Variants in SERINC3 observed in about 807,000 individuals in gnomAD.
The protein encoded by SERINC3 is serine incorporator 3, also known as tumor differentially expressed protein 1.
A neutral mutation model predicts 52.1 loss-of-function variants in SERINC3; 22 were observed. The observed-to-expected ratio is 0.42, with a 90% CI of 0.30 to 0.60. SERINC3 has a LOEUF of 0.60. Among genes scored for constraint, SERINC3 ranks in the 20% least tolerant of loss-of-function variants. The pLI is 0.16. For synonymous variants in SERINC3, 226 were observed against 212.7 expected (o/e 1.06, Z -0.54); for missense variants, 564 against 584.6 (o/e 0.96, Z 0.36).
chr20:44,510,535 C>T (rs1432780193), intron 4 of SERINC3, among the ~76,000 whole-genome samples: 3 of 152,272 alleles, frequency 2.0e-5, no homozygotes, highest in African/African-American at 4.8e-5. Context: ...GAGTTGCAGC[C>T]GGGCGTGGTG....
chr20:44,520,169 A>C (rs988404204), intron 1 of SERINC3, among the ~76,000 whole-genome samples: 5 of 152,222 alleles, frequency 3.3e-5, no homozygotes, highest in Admixed American at 6.5e-5. Context: ...ACACCCCAGG[A>C]GTTCGAGACC....
At chr20:44,510,909 AGTTTT>A (rs933910308) in intron 4 of SERINC3, among the ~76,000 whole-genome samples, 9 of 151,644 alleles carry the variant, frequency 5.9e-5, no homozygotes, top group East Asian at 1.9e-4. Context: ...ATTAAAAGGT[AGTTTT>A]GTTTTGTTTT....
rs977534397 is a variant in SERINC3, at chr20:44,498,897, C to T, written c.*1399G>A. On this transcript the variant is annotated 3_prime_UTR_variant, in exon 10 of 10. Transcript: ENST00000342374. Reference sequence around the variant, plus strand: ...TTACTGAACTTTTTTTCCCCATCTTCCTGCCTTTAACATGCAGTTTTATCT... The same window carrying T: ...TTACTGAACTTTTTTTCCCCATCTTTCTGCCTTTAACATGCAGTTTTATCT... 2.0e-5 allele frequency: 3 copies of T among 152,318 alleles called. No individual in the cohort carries two copies. The highest frequency in any genetic ancestry group is 1.3e-4 in the Admixed American group (2 of 15,302). 9.4% of individuals were successfully genotyped at this position (152,318 alleles called of 1,614,324 possible). A position where few individuals can be genotyped will look rare whatever the true frequency, so the allele number is the denominator to read the frequency against.
In SERINC3 at chr20:44,499,927, C is replaced by T. The variant is rs779326962; in HGVS notation, c.*369G>A. The T allele has an allele frequency of 1.7e-4, 27 of 155,674 alleles. No individual in the cohort carries two copies. The highest frequency in any genetic ancestry group is 3.2e-4 in the Non-Finnish European group (23 of 70,838). 9.6% of individuals were successfully genotyped at this position (155,674 alleles called of 1,614,324 possible). A position where few individuals can be genotyped will look rare whatever the true frequency, so the allele number is the denominator to read the frequency against. On this transcript the variant is annotated 3_prime_UTR_variant, in exon 10 of 10. Coordinates refer to ENST00000342374, the MANE Select transcript of SERINC3 (RefSeq NM_006811.4). Reference sequence around the variant, plus strand: ...TTTTTTTTTTTGCTTTTAAAGGATACTGCAATATAAATATATTAAGCATGG... The same window carrying T: ...TTTTTTTTTTTGCTTTTAAAGGATATTGCAATATAAATATATTAAGCATGG...
rs1345170622 is a variant in SERINC3 at position 44,522,050 on chromosome 20, A to C, written c.-99T>G. On this transcript the variant is annotated 5_prime_UTR_variant, in exon 1 of 10. Transcript: ENST00000342374. ...CTCCCCAGAAACATGACGGTTTCTC[A>C]GGCCGGAAACGCAGCCTTCCACAGA... The C allele has an allele frequency of 9.9e-6, 13 of 1,313,416 alleles. No individual in the cohort carries two copies. The highest frequency in any genetic ancestry group is 7.3e-5 in the African/African-American group (5 of 68,100). The allele number at this position is 1,313,416 out of a possible 1,614,324, so 81.4% of individuals were successfully genotyped here.
chr20:44,520,276 T>C (rs1322853937), intron 1 of SERINC3, among the ~76,000 whole-genome samples: 1 of 152,150 alleles, frequency 6.6e-6, no homozygotes, highest in African/African-American at 2.4e-5. Flanking sequence ...TCCGGGAGGC[T>C]GAAACATGAG....
rs2064256954 is a variant in SERINC3 at position 44,497,887 on chromosome 20, T to C, written c.*2409A>G. ...TTGAATATTGTCTTATTTTAGCCCA[T>C]AATGAGATCAGCAGCTACTGTCAGT... On this transcript the variant is annotated 3_prime_UTR_variant, in exon 10 of 10. Coordinates refer to ENST00000342374, the MANE Select transcript of SERINC3 (RefSeq NM_006811.4). The C allele has an allele frequency of 6.6e-6, 1 of 152,208 alleles. No individual in the cohort carries two copies. Among genetic ancestry groups the C allele is most frequent in the South Asian group, 2.1e-4 (1 of 4,830 alleles). 9.4% of individuals were successfully genotyped at this position (152,208 alleles called of 1,614,324 possible). A position where few individuals can be genotyped will look rare whatever the true frequency, so the allele number is the denominator to read the frequency against.
chr20:44,510,990 T>G (rs185735182), intron 4 of SERINC3, among the ~76,000 whole-genome samples: 138 of 151,920 alleles, frequency 9.1e-4, no homozygotes, highest in African/African-American at 3.2e-3. Context: ...CTTGGCACAC[T>G]GCAACCTCTG....
chr20:44,512,582 T>C (rs1404558965), intron 3 of SERINC3, among the ~76,000 whole-genome samples: 1 of 152,060 alleles, frequency 6.6e-6, no homozygotes, highest in Non-Finnish European at 1.5e-5. Flanking sequence ...AGGAATTTAA[T>C]AGAAGAAAAT....
At chr20:44,513,679 G>T (rs966443407) in intron 2 of SERINC3, among the ~76,000 whole-genome samples, 200 bp downstream of exon 2, 1 of 152,056 alleles carries the variant, frequency 6.6e-6, no homozygotes, top group Non-Finnish European at 1.5e-5. Context: ...TCAGTTGTTC[G>T]ACTGGAGCCC....
intron 4 of SERINC3, among the ~76,000 whole-genome samples, chr20:44,510,739 A>G (rs904508378): frequency 1.3e-5 from 2 of 152,094 alleles, no homozygotes; most frequent in Middle Eastern, 3.4e-3. Context: ...TGAACCCAGG[A>G]GGTGGAGGTT....
In SERINC3 at chr20:44,497,886, A is replaced by G. The variant is rs1200068111; in HGVS notation, c.*2410T>C. On this transcript the variant is annotated 3_prime_UTR_variant, in exon 10 of 10. Transcript: ENST00000342374. ...TTTGAATATTGTCTTATTTTAGCCCATAATGAGATCAGCAGCTACTGTCAG... is the reference window on the plus strand; with the variant it reads ...TTTGAATATTGTCTTATTTTAGCCCGTAATGAGATCAGCAGCTACTGTCAG... The G allele has an allele frequency of 3.9e-5, 6 of 152,230 alleles. No homozygotes were observed. The allele number at this position is 152,230 out of a possible 1,614,324, so 9.4% of individuals were successfully genotyped here.
chr20:44,510,895 A>G (rs573588352), intron 4 of SERINC3, among the ~76,000 whole-genome samples: 1 of 152,024 alleles, frequency 6.6e-6, no homozygotes, highest in African/African-American at 2.4e-5. Flanking sequence ...CTACAAAAAC[A>G]GTAATTAAAA....
intron 4 of SERINC3, among the ~76,000 whole-genome samples, chr20:44,510,282 C>T (rs573450181): frequency 1.3e-5 from 2 of 152,246 alleles, no homozygotes; most frequent in South Asian, 2.1e-4. Context: ...TAAGTCTTTT[C>T]TTTTAAATCA....
rs1191331026 is a variant in SERINC3, at chr20:44,506,584, C to CAAAAAAAAAA, written c.783+233_783+242dup. ...TGGTTGACAGAGCGAGACTCCATCT[C>CAAAAAAAAAA]AAAAAAAAAAAAAAAAAAAAAAAAA... On this transcript the variant is annotated intron_variant, in intron 6 of 9. Transcript: ENST00000342374. Among the ~76,000 whole-genome samples the CAAAAAAAAAA allele has an allele frequency of 2.8e-4, 4 of 14,262 alleles. 1 individual carries two copies. Among genetic ancestry groups the CAAAAAAAAAA allele is most frequent in the African/African-American group, 4.8e-4 (2 of 4,188 alleles). 9.4% of individuals were successfully genotyped at this position (14,262 alleles called of 152,430 possible).
In SERINC3 at chr20:44,512,846, A is replaced by C. The variant is rs1433661857; in HGVS notation, c.350T>G (p.Phe117Cys). Residue 117 changes from phenylalanine (F) to cysteine (C), a missense_variant, in exon 3 of 10, where the codon TTC becomes TGC. Phe to Cys is a radical substitution (Grantham distance 205, BLOSUM62 -2). Transcript: ENST00000342374. Reference sequence around the variant, plus strand: ...GAGATCTTTACTTGTTTTTACTTTGAACATGAGCAGAGAAAAGACAAAGAA... The same window carrying C: ...GAGATCTTTACTTGTTTTTACTTTGCACATGAGCAGAGAAAAGACAAAGAA... ...IFFFVFSLLMFKVKTSKDLRA... is the reference protein window; with the variant it reads ...IFFFVFSLLMCKVKTSKDLRA... 1 of 1,577,792 alleles carries C rather than the reference A, an allele frequency of 6.3e-7. No individual in the cohort carries two copies. Among genetic ancestry groups the C allele is most frequent in the Non-Finnish European group, 8.6e-7 (1 of 1,168,598 alleles).
At chr20:44,500,553 C>T (rs1156801324) in intron 9 of SERINC3, 119 bp from the exon 10 acceptor site, 4 of 1,123,492 alleles carry the variant, frequency 3.6e-6, no homozygotes, top group East Asian at 5.1e-5. Context: ...GGCACTACCC[C>T]CCAGTAGGGT....
chr20:44,502,955 T>C (rs551920860), intron 8 of SERINC3, among the ~76,000 whole-genome samples: 5 of 152,278 alleles, frequency 3.3e-5, no homozygotes, highest in Admixed American at 2.6e-4. Flanking sequence ...TAAGAAAACA[T>C]ACATTCATTT....
chr20:44,501,255 T>C lies in SERINC3; in HGVS notation c.1101A>G (p.Ser367=). The C allele has an allele frequency of 1.2e-6, 2 of 1,614,172 alleles. No individual in the cohort carries two copies. The highest frequency in any genetic ancestry group is 1.3e-5 in the African/African-American group (1 of 75,050). The change falls in exon 9 of 10, where the codon TCA becomes TCG. Residue 367 remains serine, a synonymous_variant. Transcript: ENST00000342374. ...TNSQVDKLTL[S]GSDSVILGDT... is the part of the protein sequence containing the mutation. ...CACCAAGGATGACGCTGTCACTCCC[T>C]GACAGGGTCAGCTTGTCTACTTGGC...
Sources: allele counts gnomAD v4.1 joint callset (sites outside exome capture counted in the v4.1 genomes callset), GRCh38; gene constraint gnomAD v4.1.1; transcripts MANE v1.5; gene names NCBI Gene and HGNC (gene_info 2026-07-23, HGNC 2026-07-21).